Variants in IGF2BP3 observed in about 807,000 individuals in gnomAD.
The protein encoded by IGF2BP3 is insulin like growth factor 2 mRNA binding protein 3.
In IGF2BP3, 9 loss-of-function variants were observed where a neutral mutation model predicts 73.8. The ratio of observed to expected loss-of-function variants is 0.12; its 90% CI spans 0.07 to 0.21. The LOEUF (loss-of-function observed/expected upper bound fraction) is 0.21, where lower values mean the gene tolerates loss of function less well. IGF2BP3 is among the 10% of genes least tolerant of loss of function. IGF2BP3 has a pLI of 1.00. For synonymous variants in IGF2BP3, 258 were observed against 256.7 expected (o/e 1.01, Z -0.05); for missense variants, 542 against 714.0 (o/e 0.76, Z 2.75).
intron 3 of IGF2BP3, among the ~76,000 whole-genome samples, chr7:23,399,389 T>A (rs1252201167): frequency 2.1e-5 from 3 of 144,460 alleles, no homozygotes; most frequent in Non-Finnish European, 3.0e-5. Context: ...TAAAGTATAA[T>A]AATAATAAAA....
At chr7:23,465,331 TCCAA>T (rs1211556797) in intron 2 of IGF2BP3, among the ~76,000 whole-genome samples, 1 of 152,242 alleles carries the variant, frequency 6.6e-6, no homozygotes, top group African/African-American at 2.4e-5. Context: ...ATCACAGATA[TCCAA>T]TGCAATCTTC....
chr7:23,363,444 G>C (rs1313228414), intron 3 of IGF2BP3, among the ~76,000 whole-genome samples: 1 of 150,116 alleles, frequency 6.7e-6, no homozygotes, highest in Admixed American at 6.6e-5. Context: ...TGAGGGTCTC[G>C]GTATGTTGCC....
At chr7:23,312,898 C>A (rs777494203) in intron 13 of IGF2BP3, 50 bp from the exon 14 acceptor site, 2 of 1,147,706 alleles carry the variant, frequency 1.7e-6, no homozygotes, top group Non-Finnish European at 1.3e-6. Flanking sequence ...TAAAACCTTA[C>A]TTCCTAAGCA....
At chr7:23,436,052 G>A (rs543388829) in intron 2 of IGF2BP3, among the ~76,000 whole-genome samples, 2 of 152,126 alleles carry the variant, frequency 1.3e-5, no homozygotes, top group African/African-American at 2.4e-5. Context: ...CCACATGCCC[G>A]GCCAACATCT....
intron 3 of IGF2BP3, among the ~76,000 whole-genome samples, chr7:23,389,158 C>CTT (rs141188772): frequency 6.9e-6 from 1 of 145,284 alleles, no homozygotes; most frequent in African/African-American, 2.6e-5. Flanking sequence ...GAATTATTCC[C>CTT]TTTTTTTTTT....
rs1786433024 is a variant in IGF2BP3 at position 23,395,725 on chromosome 7, T to A, written c.285+23051A>T. Among the ~76,000 whole-genome samples, 4 of 151,958 alleles carry A rather than the reference T, an allele frequency of 2.6e-5. No homozygotes were observed. The South Asian group carries it at 8.3e-4, about 32-fold the overall frequency. ...TGAATCACTTGAGGTCAGGAGTTCG[T>A]GACCAGCCTGGCCAACATGGTAAAA... On this transcript the variant is annotated intron_variant, in intron 3 of 14. Transcript: ENST00000258729.
chr7:23,341,665 G>C (rs1017191987), intron 10 of IGF2BP3, among the ~76,000 whole-genome samples: 2 of 151,506 alleles, frequency 1.3e-5, no homozygotes, highest in Non-Finnish European at 2.9e-5. Flanking sequence ...GTGGGACTGT[G>C]TCTCCAAAAA....
chr7:23,340,882 C>T (rs576465276), intron 10 of IGF2BP3, among the ~76,000 whole-genome samples: 27 of 146,902 alleles, frequency 1.8e-4, no homozygotes, highest in African/African-American at 6.4e-4. Flanking sequence ...CAGAGTTTCG[C>T]TCTGTCGCCC....
chr7:23,342,425 G>A (rs751158007), intron 9 of IGF2BP3, among the ~76,000 whole-genome samples: 1 of 152,132 alleles, frequency 6.6e-6, no homozygotes. Flanking sequence ...GCTGCATTAA[G>A]ATATCTCAAG....
intron 2 of IGF2BP3, among the ~76,000 whole-genome samples, chr7:23,431,813 C>T (rs560587013): frequency 3.3e-5 from 5 of 151,840 alleles, no homozygotes; most frequent in African/African-American, 2.4e-5. Context: ...GGGAACTTGG[C>T]CCCTCCCCCG....
chr7:23,326,647 G>C (rs1784304702), intron 10 of IGF2BP3, among the ~76,000 whole-genome samples: 1 of 149,342 alleles, frequency 6.7e-6, no homozygotes, highest in African/African-American at 2.5e-5. Flanking sequence ...ATTCACAATA[G>C]CAAAGACTTG....
At chr7:23,320,957 A>C in intron 10 of IGF2BP3, among the ~76,000 whole-genome samples, 1 of 149,884 alleles carries the variant, frequency 6.7e-6, no homozygotes, top group South Asian at 2.1e-4. Context: ...CAAAAAAAAA[A>C]AAAAAAAAAA....
chr7:23,347,100 C>G (rs2128503345), intron 7 of IGF2BP3, among the ~76,000 whole-genome samples: 1 of 152,282 alleles, frequency 6.6e-6, no homozygotes, highest in African/African-American at 2.4e-5. Context: ...AAACGTGGCA[C>G]AGAACCCAAC....
At chr7:23,463,947 A>C (rs1788506437) in intron 2 of IGF2BP3, among the ~76,000 whole-genome samples, 1 of 152,236 alleles carries the variant, frequency 6.6e-6, no homozygotes, top group Non-Finnish European at 1.5e-5. Context: ...CCAGCCAAGA[A>C]AGTTTCCTAA....
intron 3 of IGF2BP3, among the ~76,000 whole-genome samples, chr7:23,396,975 G>C (rs1340154792): frequency 6.6e-6 from 1 of 152,114 alleles, no homozygotes; most frequent in African/African-American, 2.4e-5. Context: ...GACTCTGTAT[G>C]GTTGTCACTT....
At chr7:23,386,852 A>G (rs1489905880) in intron 3 of IGF2BP3, among the ~76,000 whole-genome samples, 1 of 152,168 alleles carries the variant, frequency 6.6e-6, no homozygotes, top group Non-Finnish European at 1.5e-5. Context: ...GGATCACCTG[A>G]GGTCAGGAGT....
chr7:23,441,920 T>C (rs1206681333), intron 2 of IGF2BP3, among the ~76,000 whole-genome samples: 1 of 152,004 alleles, frequency 6.6e-6, no homozygotes, highest in Non-Finnish European at 1.5e-5. Context: ...AGGTCGTGAG[T>C]TTGAGACCAG....
intron 10 of IGF2BP3, among the ~76,000 whole-genome samples, chr7:23,338,655 A>G (rs77144468): frequency 0.018 from 2,670 of 152,274 alleles, 79 homozygotes; most frequent in African/African-American, 0.056. Flanking sequence ...CCTTGGCTAC[A>G]CATTGGAGTC....
chr7:23,342,769 G>A (rs552632410), intron 9 of IGF2BP3, among the ~76,000 whole-genome samples: 72 of 152,186 alleles, frequency 4.7e-4, no homozygotes, highest in Non-Finnish European at 9.6e-4. Context: ...GGTTGAGGAC[G>A]TAATGTAGAC....
Sources: gnomAD v4.1 joint callset for allele counts (sites outside exome capture counted in the v4.1 genomes callset) on GRCh38, gnomAD v4.1.1 for gene constraint, MANE v1.5 for transcripts, NCBI Gene and HGNC (gene_info 2026-07-23, HGNC 2026-07-21) for gene names.